CRHR2: variants seen among roughly 807,000 people sequenced by gnomAD.
The protein encoded by CRHR2 is corticotropin releasing hormone receptor 2, also known as corticotropin-releasing hormone receptor 2.
CRHR2 carries 53 observed loss-of-function variants against 57.9 expected under a neutral mutation model. The ratio of observed to expected loss-of-function variants is 0.92; its 90% CI spans 0.73 to 1.15. The LOEUF is 1.15. Among genes scored for constraint, CRHR2 ranks in the 50% most tolerant of loss-of-function variants. The pLI is 0.00. For synonymous variants in CRHR2, 213 were observed against 220.9 expected (o/e 0.96, Z 0.32); for missense variants, 532 against 542.6 (o/e 0.98, Z 0.19).
In CRHR2 at chr7:30,652,094, T is replaced by A. The variant is rs1783612449; in HGVS notation, c.*1366A>T. ...ACGGGATACATGATTTTTCAAAACT[T>A]ATTTTTGTAGGGGGTACCTAGAGCA... is the stretch of plus-strand genomic sequence containing the variant. On this transcript the variant is annotated 3_prime_UTR_variant, in exon 12 of 12. Coordinates refer to ENST00000471646, the MANE Select transcript of CRHR2 (RefSeq NM_001883.5). This position sits in a 1 kb window ranked among gnomAD's most constrained non-coding sequence, Gnocchi z 4.4. The A allele has an allele frequency of 6.6e-6, 1 of 152,208 alleles. No homozygotes were observed. The highest frequency in any genetic ancestry group is 2.1e-4 in the South Asian group (1 of 4,822). 9.4% of individuals were successfully genotyped at this position (152,208 alleles called of 1,614,324 possible).
Position 30,665,640 on chromosome 7 carries a change from C to T in CRHR2, c.316-1G>A. On this transcript the variant is annotated splice_acceptor_variant, in intron 3 of 11. Coordinates refer to ENST00000471646, the MANE Select transcript of CRHR2 (RefSeq NM_001883.5). LOFTEE classifies it high-confidence loss of function. The surrounding 1 kb of genome is among the most constrained non-coding windows in gnomAD (Gnocchi z 4.5). ...GGTAGTGCAGGTCATACTTCCTCTG[C>T]TGGACAGACAGACATGGGCAGGGCA... is the stretch of plus-strand genomic sequence containing the variant. 6.4e-7 allele frequency: 1 copy of T among 1,555,110 alleles called. No individual in the cohort carries two copies. The highest frequency in any genetic ancestry group is 1.2e-5 in the South Asian group (1 of 84,278).
At chr7:30,668,903 C>T (rs375414922) in intron 2 of CRHR2, among the ~76,000 whole-genome samples, 7 of 152,220 alleles carry the variant, frequency 4.6e-5, no homozygotes, top group Admixed American at 2.0e-4. Context: ...CTAGCCATGG[C>T]GCCCAACTCC....
intron 2 of CRHR2, among the ~76,000 whole-genome samples, chr7:30,675,493 T>A (rs1784489694): frequency 6.6e-6 from 1 of 152,264 alleles, no homozygotes; most frequent in South Asian, 2.1e-4. Context: ...GCCATAGGGC[T>A]ACGGACAAGC....
At chr7:30,664,071 T>A (rs1183651736) in intron 5 of CRHR2, among the ~76,000 whole-genome samples, 2 of 152,218 alleles carry the variant, frequency 1.3e-5, no homozygotes, top group African/African-American at 4.8e-5. Flanking sequence ...GGGTTGATGA[T>A]GTTCTATTAG....
At chr7:30,683,941 T>C (rs1414436803), upstream of CRHR2, among the ~76,000 whole-genome samples, 2 of 152,166 alleles carry the variant, frequency 1.3e-5, no homozygotes, top group Non-Finnish European at 2.9e-5. Context: ...TGTGCTCCGC[T>C]CTCACCAGCC....
intron 1 of CRHR2, among the ~76,000 whole-genome samples, chr7:30,692,862 G>T (rs1050740158): frequency 6.6e-6 from 1 of 152,200 alleles, no homozygotes; most frequent in African/African-American, 2.4e-5. Flanking sequence ...CCCACTTCAG[G>T]TAAGGGGCAG....
At chr7:30,661,182 T>C (rs1783985084) in intron 7 of CRHR2, among the ~76,000 whole-genome samples, 1 of 152,210 alleles carries the variant, frequency 6.6e-6, no homozygotes, top group Non-Finnish European at 1.5e-5. Flanking sequence ...CTGGCCTCAC[T>C]GGCTGCCAGA....
Position 30,653,349 on chromosome 7 carries a change from C to G in CRHR2, c.*111G>C. On this transcript the variant is annotated 3_prime_UTR_variant, in exon 12 of 12. Coordinates refer to ENST00000471646, the MANE Select transcript of CRHR2 (RefSeq NM_001883.5). The surrounding 1 kb of genome is among the most constrained non-coding windows in gnomAD (Gnocchi z 5.0). Reference sequence around the variant, plus strand: ...CCCTCTTTCCTGCCAGGCTGGAGAGCTGGTCTCTCCCCTCCCATCTCCTGC... The same window carrying G: ...CCCTCTTTCCTGCCAGGCTGGAGAGGTGGTCTCTCCCCTCCCATCTCCTGC... The G allele has an allele frequency of 6.9e-7, 1 of 1,439,788 alleles. No homozygotes were observed. The highest frequency in any genetic ancestry group is 1.4e-5 in the South Asian group (1 of 73,896). 89.2% of individuals were successfully genotyped at this position (1,439,788 alleles called of 1,614,324 possible). A position where few individuals can be genotyped will look rare whatever the true frequency, so the allele number is the denominator to read the frequency against.
intron 2 of CRHR2, among the ~76,000 whole-genome samples, chr7:30,675,099 C>T (rs1313346485): frequency 1.3e-5 from 2 of 152,214 alleles, no homozygotes; most frequent in African/African-American, 4.8e-5. Flanking sequence ...GCCCAGGTTC[C>T]TCCCACTCTC....
intron 2 of CRHR2, among the ~76,000 whole-genome samples, chr7:30,667,987 G>C (rs1784239095): frequency 6.6e-6 from 1 of 152,234 alleles, no homozygotes; most frequent in South Asian, 2.1e-4. Flanking sequence ...GTGGCAAACA[G>C]GAATGAGTGA....
chr7:30,687,292 G>A (rs1389457483), upstream of CRHR2, among the ~76,000 whole-genome samples: 2 of 152,158 alleles, frequency 1.3e-5, no homozygotes. Flanking sequence ...CATGGTTCAT[G>A]TGGGGTGATG....
intron 10 of CRHR2, 80 bp from the exon 11 acceptor site, chr7:30,655,160 A>T: frequency 2.2e-6 from 3 of 1,361,012 alleles, no homozygotes; most frequent in Non-Finnish European, 2.1e-6. Context: ...ACTGGGGACA[A>T]GATGGTGGGG....
intron 1 of CRHR2, among the ~76,000 whole-genome samples, chr7:30,694,745 G>A (rs916478113): frequency 7.9e-5 from 12 of 151,618 alleles, no homozygotes; most frequent in Non-Finnish European, 1.8e-4. Context: ...GCCCCTTAGG[G>A]AGCACAGAGT....
Position 30,665,425 on chromosome 7 carries a change from T to G in CRHR2, c.425+105A>C. ...AAACCCCACTTTCTCCACGGGCCCT[T>G]TTATCTGCTGGGCCCCAGAATGGAG... On this transcript the variant is annotated intron_variant, in intron 4 of 11. Transcript: ENST00000471646. The surrounding 1 kb of genome is among the most constrained non-coding windows in gnomAD (Gnocchi z 4.5). 2 of 1,066,220 alleles carry G rather than the reference T, an allele frequency of 1.9e-6. No homozygotes were observed. The highest frequency in any genetic ancestry group is 1.4e-6 in the Non-Finnish European group (1 of 725,400). The allele number at this position is 1,066,220 out of a possible 1,614,324, so 66.0% of individuals were successfully genotyped here.
At chr7:30,668,434 T>G (rs1784254451) in intron 2 of CRHR2, among the ~76,000 whole-genome samples, 1 of 152,146 alleles carries the variant, frequency 6.6e-6, no homozygotes. Context: ...AGGGTTCAGC[T>G]CTCTGACTAA....
chr7:30,660,440 G>T, intron 8 of CRHR2, 133 bp downstream of exon 8: 1 of 867,548 alleles, frequency 1.2e-6, no homozygotes, highest in East Asian at 2.7e-5. Flanking sequence ...GGCATGGACA[G>T]GGTACGGGGG....
intron 8 of CRHR2, 101 bp downstream of exon 8, chr7:30,660,472 A>G (rs2128141132): frequency 8.2e-7 from 1 of 1,221,204 alleles, no homozygotes; most frequent in East Asian, 2.6e-5. Flanking sequence ...GTGTGTGCGC[A>G]GGGCTGCCCA....
chr7:30,688,064 G>T (rs974248881), intron 2 of CRHR2, among the ~76,000 whole-genome samples: 10 of 152,336 alleles, frequency 6.6e-5, no homozygotes, highest in African/African-American at 2.2e-4. Context: ...TCAGAATGTG[G>T]CCTTGTTTGG....
At chr7:30,676,919 G>A (rs1784535914) in intron 2 of CRHR2, among the ~76,000 whole-genome samples, 1 of 152,240 alleles carries the variant, frequency 6.6e-6, no homozygotes, top group Non-Finnish European at 1.5e-5. Flanking sequence ...CCTGGCAGAT[G>A]CCTCAGTACA....
Sources: gnomAD v4.1 joint callset for allele counts (sites outside exome capture counted in the v4.1 genomes callset) on GRCh38, gnomAD v4.1.1 for gene constraint, Gnocchi (gnomAD v3.1) non-coding constraint, MANE v1.5 for transcripts, NCBI Gene and HGNC (gene_info 2026-07-23, HGNC 2026-07-21) for gene names.